Variants in MALRD1 observed in about 807,000 individuals in gnomAD.
MALRD1 encodes the protein MAM and LDL-receptor class A domain-containing protein 1.
Under a neutral mutation model 242.1 loss-of-function variants are expected in MALRD1, and 247 were observed. The ratio of observed to expected loss-of-function variants is 1.02; its 90% CI spans 0.92 to 1.13. The LOEUF is 1.13. Among genes scored for constraint, MALRD1 ranks in the 50% most tolerant of loss-of-function variants. The probability of loss-of-function intolerance (pLI) is 0.00; values close to 1 mark genes in which losing one functional copy is unlikely to be tolerated. For synonymous variants in MALRD1, 995 were observed against 866.6 expected (o/e 1.15, Z -2.60); for missense variants, 2,989 against 2,533.1 (o/e 1.18, Z -3.86).
intron 33 of MALRD1, among the ~76,000 whole-genome samples, chr10:19,594,302 G>C (rs1287453248): frequency 6.6e-6 from 1 of 152,138 alleles, no homozygotes; most frequent in East Asian, 1.9e-4. Flanking sequence ...ATATTGTACT[G>C]ATAAGAATGG....
rs529000033 is a variant in MALRD1, at chr10:19,142,171, CAAAAAAA to C, written c.1412-4007_1412-4001del. 9.5e-4 allele frequency among the ~76,000 whole-genome samples: 25 copies of C among 26,274 alleles called. No homozygotes were observed. In the South Asian group the frequency reaches 0.012, roughly 12 times the overall value. The allele number at this position is 26,274 out of a possible 152,430, so 17.2% of individuals were successfully genotyped here. On this transcript the variant is annotated intron_variant, in intron 10 of 39. Transcript: ENST00000454679. ...TGGGCGACAGAGCGAGACTCTAACT[CAAAAAAA>C]AAAAAAAAAAAAAAAAAAAGTGGAA...
chr10:19,680,697 T>G (rs903378816), intron 36 of MALRD1, among the ~76,000 whole-genome samples: 2 of 152,166 alleles, frequency 1.3e-5, no homozygotes, highest in Non-Finnish European at 2.9e-5. Flanking sequence ...AGCTGGTTCT[T>G]TTGCAGACTT....
At chr10:19,445,819 CA>C (rs1834941938) in intron 28 of MALRD1, among the ~76,000 whole-genome samples, 1 of 152,218 alleles carries the variant, frequency 6.6e-6, no homozygotes, top group South Asian at 2.1e-4. Context: ...CTACTGTCTT[CA>C]AAGCTGTCAG....
intron 39 of MALRD1, among the ~76,000 whole-genome samples, chr10:19,732,423 C>T (rs1371372006): frequency 6.6e-6 from 1 of 152,050 alleles, no homozygotes. Flanking sequence ...CCACCATGCC[C>T]AGCTAATTTT....
chr10:19,255,329 T>A (rs372597660), intron 18 of MALRD1, among the ~76,000 whole-genome samples: 1 of 151,974 alleles, frequency 6.6e-6, no homozygotes, highest in Non-Finnish European at 1.5e-5. Flanking sequence ...TGTATAATGC[T>A]TGTGTTTTGA....
intron 28 of MALRD1, among the ~76,000 whole-genome samples, chr10:19,405,536 A>G (rs1249735320): frequency 6.6e-6 from 1 of 152,192 alleles, no homozygotes; most frequent in East Asian, 1.9e-4. Context: ...GAGGAAAACC[A>G]CATCTCTCTT....
At chr10:19,433,700 A>AG (rs1834237637) in intron 28 of MALRD1, among the ~76,000 whole-genome samples, 1 of 152,250 alleles carries the variant, frequency 6.6e-6, no homozygotes, top group African/African-American at 2.4e-5. Flanking sequence ...TTGAACATGG[A>AG]GAAAAAAAAA....
intron 31 of MALRD1, among the ~76,000 whole-genome samples, chr10:19,526,762 T>C (rs1834118406): frequency 6.6e-6 from 1 of 152,134 alleles, no homozygotes; most frequent in Non-Finnish European, 1.5e-5. Flanking sequence ...TGCAGCGAAA[T>C]AGTGGATTAT....
chr10:19,296,100 G>A lies in MALRD1; in HGVS notation c.3419+12919G>A, dbSNP rs557945945. On this transcript the variant is annotated intron_variant, in intron 21 of 39. Coordinates refer to ENST00000454679, the MANE Select transcript of MALRD1 (RefSeq NM_001142308.3). Reference sequence around the variant, plus strand: ...ACATGGTTGTATTTTATAAAGCACTGCAAGGGTGGGCCGCCAACTCTTGGG... The same window carrying A: ...ACATGGTTGTATTTTATAAAGCACTACAAGGGTGGGCCGCCAACTCTTGGG... Among the ~76,000 whole-genome samples, 14 of 152,154 alleles carry A rather than the reference G, an allele frequency of 9.2e-5. No individual in the cohort carries two copies. In the East Asian group the frequency reaches 2.5e-3, roughly 27 times the overall value.
chr10:19,063,332 T>C (rs1167142387), intron 1 of MALRD1, among the ~76,000 whole-genome samples: 1 of 152,178 alleles, frequency 6.6e-6, no homozygotes, highest in Non-Finnish European at 1.5e-5. Context: ...CTTCCCTTGC[T>C]AGATTTTTCA....
intron 21 of MALRD1, among the ~76,000 whole-genome samples, chr10:19,318,143 A>G (rs1842777166): frequency 6.6e-6 from 1 of 152,022 alleles, no homozygotes; most frequent in Admixed American, 6.6e-5. Context: ...TTTCCTCTGC[A>G]GGTTTATGCT....
In MALRD1 at chr10:19,690,752, A is replaced by C. The variant is rs188782669; in HGVS notation, c.6138-1530A>C. On this transcript the variant is annotated intron_variant, in intron 36 of 39. Coordinates refer to ENST00000454679, the MANE Select transcript of MALRD1 (RefSeq NM_001142308.3). ...TATAAATATAAATATATATACATTT[A>C]GATAAATAGGCAGTGTAGATAATAG... Among the ~76,000 whole-genome samples the C allele has an allele frequency of 2.4e-3, 367 of 152,014 alleles. 4 individuals are homozygous for C. The highest frequency in any genetic ancestry group is 8.4e-3 in the African/African-American group (347 of 41,520).
rs77321032 is a variant in MALRD1, at chr10:19,063,276, T to C, written c.200-3443T>C. Among the ~76,000 whole-genome samples the C allele has an allele frequency of 6.6e-3, 999 of 152,326 alleles. 17 individuals carry two copies. The highest frequency in any genetic ancestry group is 0.023 in the African/African-American group (937 of 41,566). On this transcript the variant is annotated intron_variant, in intron 1 of 39. Coordinates refer to ENST00000454679, the MANE Select transcript of MALRD1 (RefSeq NM_001142308.3). ...GGAAGAAAAATGTACATCATTAATA[T>C]TGACCCAGGGAAAATTTTGAAATAA...
intron 36 of MALRD1, among the ~76,000 whole-genome samples, chr10:19,659,072 T>G (rs936494852): frequency 6.6e-6 from 1 of 152,220 alleles, no homozygotes. Flanking sequence ...CTTTTTGCTC[T>G]TTAGCCATCA....
chr10:19,528,142 A>G lies in MALRD1; in HGVS notation c.5321-3052A>G, dbSNP rs542887132. ...GTACTGTGTTCAATTTTCCTAACTC[A>G]ATATTTGGTGGTACATACAATGTAT... On this transcript the variant is annotated intron_variant, in intron 31 of 39. Coordinates refer to ENST00000454679, the MANE Select transcript of MALRD1 (RefSeq NM_001142308.3). Among the ~76,000 whole-genome samples the G allele has an allele frequency of 4.2e-3, 633 of 152,194 alleles. 6 individuals are homozygous for G. The highest frequency in any genetic ancestry group is 6.7e-3 in the Non-Finnish European group (459 of 68,022).
chr10:19,645,494 A>G (rs1840612742), intron 36 of MALRD1, among the ~76,000 whole-genome samples: 1 of 152,216 alleles, frequency 6.6e-6, no homozygotes, highest in Non-Finnish European at 1.5e-5. Context: ...TCCAACAGTG[A>G]TAGACTGGAT....
chr10:19,608,431 A>T (rs912967239), intron 35 of MALRD1, among the ~76,000 whole-genome samples: 2 of 152,040 alleles, frequency 1.3e-5, no homozygotes, highest in Non-Finnish European at 2.9e-5. Context: ...TATATCTGTC[A>T]TTATACTTTT....
At chr10:19,318,865 G>A (rs1842809197) in intron 21 of MALRD1, among the ~76,000 whole-genome samples, 1 of 151,824 alleles carries the variant, frequency 6.6e-6, no homozygotes, top group Non-Finnish European at 1.5e-5. Context: ...AATGGATATG[G>A]TCCCTAAGTA....
At chr10:19,207,192 AC>A (rs953147443) in intron 17 of MALRD1, among the ~76,000 whole-genome samples, 41 of 152,162 alleles carry the variant, frequency 2.7e-4, no homozygotes, top group East Asian at 2.3e-3. Context: ...TTTAAAAAAA[AC>A]TAACATGTAA....
Sources: allele counts gnomAD v4.1 joint callset (sites outside exome capture counted in the v4.1 genomes callset), GRCh38; gene constraint gnomAD v4.1.1; transcripts MANE v1.5; gene names NCBI Gene and HGNC (gene_info 2026-07-23, HGNC 2026-07-21).